Variants in RAD51 observed in about 807,000 individuals in gnomAD.
RAD51 encodes the protein DNA repair protein RAD51 homolog 1.
A neutral mutation model predicts 41.5 loss-of-function variants in RAD51; 14 were observed. That is an observed-to-expected ratio of 0.34 (90% CI 0.22 to 0.53). RAD51 has a LOEUF of 0.53. RAD51 is among the 20% of genes least tolerant of loss of function. RAD51 has a pLI of 0.95. For missense variants in RAD51, 234 were observed against 422.0 expected, an observed-to-expected ratio of 0.55 and a Z score of 3.90; for synonymous variants, 136 against 148.6, an observed-to-expected ratio of 0.92 and a Z score of 0.62.
intron 4 of RAD51, 49 bp downstream of exon 4, chr15:40,706,343 C>T: frequency 7.1e-7 from 1 of 1,415,796 alleles, no homozygotes; most frequent in Non-Finnish European, 1.0e-6. Flanking sequence ...AGGAAAGCTT[C>T]CAGGTTATAA....
intron 6 of RAD51, among the ~76,000 whole-genome samples, chr15:40,721,886 T>C (rs1377666141): frequency 6.6e-6 from 1 of 152,212 alleles, no homozygotes; most frequent in Non-Finnish European, 1.5e-5. Flanking sequence ...GCGATGTTCA[T>C]AGCAGCATTA....
intron 3 of RAD51, among the ~76,000 whole-genome samples, chr15:40,705,160 C>G (rs1214698032): frequency 1.3e-5 from 2 of 152,190 alleles, no homozygotes; most frequent in African/African-American, 4.8e-5. Context: ...CTAAGCACTG[C>G]TTTTCTTGGA....
intron 6 of RAD51, 161 bp from the exon 7 acceptor site, chr15:40,728,550 C>T (rs1365567853): frequency 8.2e-6 from 6 of 733,954 alleles, no homozygotes; most frequent in Non-Finnish European, 1.2e-5. Flanking sequence ...TTATAGTTTG[C>T]CTGAACTTCT....
intron 6 of RAD51, among the ~76,000 whole-genome samples, chr15:40,720,722 CTTCA>C (rs1485423111): frequency 5.3e-5 from 8 of 151,380 alleles, no homozygotes; most frequent in East Asian, 1.9e-4. Flanking sequence ...GAAAAAAAAA[CTTCA>C]TTCACAGTAG....
At chr15:40,730,396 C>G (rs1037145096) in intron 9 of RAD51, among the ~76,000 whole-genome samples, 7 of 151,672 alleles carry the variant, frequency 4.6e-5, no homozygotes, top group Admixed American at 1.3e-4. Context: ...CTTAGCTACC[C>G]AGGAGACTGA....
At chr15:40,730,934 C>T in intron 9 of RAD51, 121 bp from the exon 10 acceptor site, 1 of 1,318,934 alleles carries the variant, frequency 7.6e-7, no homozygotes, top group South Asian at 1.3e-5. Flanking sequence ...AGTACAGAAA[C>T]ATTCCCAGGG....
rs369557221 is a variant in RAD51, at chr15:40,728,834, C to T, written c.644+10C>T. 1.9e-6 allele frequency: 3 copies of T among 1,588,672 alleles called. No individual in the cohort carries two copies. Among genetic ancestry groups the T allele is most frequent in the South Asian group, 2.2e-5 (2 of 90,532 alleles). On this transcript the variant is annotated intron_variant, in intron 7 of 9. Coordinates refer to ENST00000267868, the MANE Select transcript of RAD51 (RefSeq NM_002875.5). The stretch of plus-strand genomic sequence containing the variant: ...TGATGGTAGAATCTAGGTATGTGTT[C>T]AGTATAAGACACCAAATATGTTCTT...
intron 9 of RAD51, 41 bp from the exon 10 acceptor site, chr15:40,731,014 A>G (rs772185234): frequency 1.2e-6 from 2 of 1,613,470 alleles, no homozygotes; most frequent in South Asian, 1.1e-5. Context: ...GAATTGTTTA[A>G]TTATAATAAA....
At chr15:40,723,694 T>A (rs1471526265) in intron 6 of RAD51, among the ~76,000 whole-genome samples, 1 of 152,148 alleles carries the variant, frequency 6.6e-6, no homozygotes, top group African/African-American at 2.4e-5. Context: ...AGTTGAGAGA[T>A]TTTTTAGGGG....
At chr15:40,713,684 G>T (rs771739438) in intron 5 of RAD51, among the ~76,000 whole-genome samples, 1 of 147,442 alleles carries the variant, frequency 6.8e-6, no homozygotes, top group Admixed American at 6.9e-5. Flanking sequence ...TCTGCTCACT[G>T]CAAGCTCCGC....
intron 3 of RAD51, among the ~76,000 whole-genome samples, chr15:40,704,047 CA>C (rs1417905373): frequency 6.6e-6 from 1 of 151,942 alleles, no homozygotes; most frequent in African/African-American, 2.4e-5. Flanking sequence ...GGACCACAGG[CA>C]CGCCCCACCA....
intron 1 of RAD51, among the ~76,000 whole-genome samples, chr15:40,697,574 CTTTTTTTTTTT>C (rs11340353): frequency 0.017 from 1,774 of 105,524 alleles, 90 homozygotes; most frequent in East Asian, 0.15. Context: ...GATGATATTT[CTTTTTTTTTTT>C]TTTTTTTTTT....
intron 5 of RAD51, among the ~76,000 whole-genome samples, chr15:40,710,785 C>T (rs1895667224): frequency 6.6e-6 from 1 of 152,118 alleles, no homozygotes; most frequent in South Asian, 2.1e-4. Flanking sequence ...GAGAAAGTGT[C>T]CCTTTTCTTC....
Position 40,728,805 on chromosome 15 carries a change from G to A in RAD51, c.625G>A (p.Ala209Thr), listed in dbSNP as rs1470830931. ...GACCCAGCTCCTTTATCAAGCATCA[G>A]CCATGATGGTAGAATCTAGGTATGT... ...HQTQLLYQAS[A>T]MMVESRYALL... The change falls in exon 7 of 10, where the codon GCC (alanine) becomes ACC (threonine). Residue 209 changes from alanine to threonine, a missense_variant. This residue lies in a region of RAD51 where 134 missense variants were observed against 286.5 expected (regional missense o/e 0.47). Coordinates refer to ENST00000267868, the MANE Select transcript of RAD51 (RefSeq NM_002875.5). 2 of 1,612,948 alleles carry A rather than the reference G, an allele frequency of 1.2e-6. No individual in the cohort carries two copies. The highest frequency in any genetic ancestry group is 2.7e-5 in the African/African-American group (2 of 74,888).
chr15:40,730,515 T>G (rs1339626860), intron 9 of RAD51, among the ~76,000 whole-genome samples: 1 of 117,654 alleles, frequency 8.5e-6, no homozygotes. Flanking sequence ...GAAAAAATTT[T>G]TTTTCTTTTT....
At chr15:40,707,103 G>C (rs1275430554) in intron 4 of RAD51, among the ~76,000 whole-genome samples, 1 of 147,948 alleles carries the variant, frequency 6.8e-6, no homozygotes, top group East Asian at 2.0e-4. Flanking sequence ...TGATCTTCTA[G>C]CCTCAGTCTC....
At chr15:40,703,129 T>C (rs752105212) in intron 3 of RAD51, among the ~76,000 whole-genome samples, 1 of 152,206 alleles carries the variant, frequency 6.6e-6, no homozygotes, top group Admixed American at 6.6e-5. Context: ...TTTTGTATAG[T>C]TTATCTTTCT....
At chr15:40,717,263 G>A (rs1416674912) in intron 5 of RAD51, among the ~76,000 whole-genome samples, 2 of 152,004 alleles carry the variant, frequency 1.3e-5, no homozygotes, top group Non-Finnish European at 2.9e-5. Context: ...CCTTGAACCC[G>A]GGAGGCAGAG....
At position 40,732,206 on chromosome 15, in the gene RAD51, G is replaced by A. The variant is rs1251932697; in HGVS notation, c.*1028G>A. The A allele has an allele frequency of 5.5e-6, 1 of 182,006 alleles. No individual in the cohort carries two copies. The highest frequency in any genetic ancestry group is 1.2e-5 in the Non-Finnish European group (1 of 85,520). The allele number at this position is 182,006 out of a possible 1,614,324, so 11.3% of individuals were successfully genotyped here. On this transcript the variant is annotated 3_prime_UTR_variant, in exon 10 of 10. Coordinates refer to ENST00000267868, the MANE Select transcript of RAD51 (RefSeq NM_002875.5). ...GCAGTGCAAGCTATTTCAAGACAGGGTTTCCATAATCTTTTTGGCACTGTA... is the reference window on the plus strand; with the variant it reads ...GCAGTGCAAGCTATTTCAAGACAGGATTTCCATAATCTTTTTGGCACTGTA...
Sources: gnomAD v4.1 joint callset for allele counts (sites outside exome capture counted in the v4.1 genomes callset) on GRCh38, gnomAD v4.1.1 for gene constraint, gnomAD v4.1.1 regional missense constraint, MANE v1.5 for transcripts, NCBI Gene and HGNC (gene_info 2026-07-23, HGNC 2026-07-21) for gene names.